The following SKAP1 variants were observed in gnomAD, a reference collection of about 807,000 sequenced individuals.
SKAP1 encodes the protein src kinase-associated phosphoprotein 1.
In SKAP1, 44 loss-of-function variants were observed where a neutral mutation model predicts 58.5. The observed-to-expected ratio is 0.75, with a 90% CI of 0.59 to 0.97. The LOEUF is 0.97. Ranked by LOEUF, SKAP1 falls within the 50% of genes least tolerant of loss-of-function variation. The pLI is 0.00. For synonymous variants in SKAP1, 127 were observed against 149.7 expected, an observed-to-expected ratio of 0.85 and a Z score of 1.11; for missense variants, 390 against 435.2, an observed-to-expected ratio of 0.90 and a Z score of 0.92.
At chr17:48,366,111 C>T (rs567213101) in intron 2 of SKAP1, among the ~76,000 whole-genome samples, 2 of 152,292 alleles carry the variant, frequency 1.3e-5, no homozygotes, top group Admixed American at 6.5e-5. Context: ...TCTTCTAGTA[C>T]ATACATTACT....
chr17:48,287,554 GA>G (rs1161588824), intron 4 of SKAP1, among the ~76,000 whole-genome samples: 1 of 150,584 alleles, frequency 6.6e-6, no homozygotes, highest in Non-Finnish European at 1.5e-5. Context: ...TGGTAAGAAA[GA>G]AAAAAAAGGA....
At chr17:48,305,906 G>A (rs2066134970) in intron 4 of SKAP1, among the ~76,000 whole-genome samples, 1 of 151,872 alleles carries the variant, frequency 6.6e-6, no homozygotes, top group East Asian at 1.9e-4. Flanking sequence ...TGGCTTTTTT[G>A]TTGCTGTTTT....
At chr17:48,151,008 G>C (rs1050592243) in intron 11 of SKAP1, among the ~76,000 whole-genome samples, 2 of 149,448 alleles carry the variant, frequency 1.3e-5, no homozygotes, top group Non-Finnish European at 3.0e-5. Flanking sequence ...GCAAGATTTA[G>C]AGAGATCTTT....
intron 2 of SKAP1, chr17:48,380,248 A>G (rs558073362): frequency 6.6e-6 from 1 of 152,328 alleles, no homozygotes; most frequent in African/African-American, 2.4e-5. Flanking sequence ...AGCATCAGAA[A>G]CATCTTGAGA....
Position 48,430,061 on chromosome 17 carries a change from C to T in SKAP1, c.46+14G>A. On this transcript the variant is annotated intron_variant, in intron 1 of 12. Coordinates refer to ENST00000336915, the MANE Select transcript of SKAP1 (RefSeq NM_003726.4). The stretch of plus-strand genomic sequence containing the variant: ...TCGGCTCAGCACTGGAGGGGGCCTG[C>T]GCCAGGGCGTTACCTTCCAGGAGCC... 1 of 1,262,540 alleles carries T rather than the reference C, an allele frequency of 7.9e-7. No individual in the cohort carries two copies. Among genetic ancestry groups the T allele is most frequent in the Non-Finnish European group, 1.0e-6 (1 of 996,084 alleles). 78.2% of individuals were successfully genotyped at this position (1,262,540 alleles called of 1,614,324 possible).
chr17:48,208,032 C>A (rs1449298261), intron 4 of SKAP1, among the ~76,000 whole-genome samples: 2 of 152,158 alleles, frequency 1.3e-5, no homozygotes, highest in East Asian at 3.8e-4. Flanking sequence ...TGTTGTCTTG[C>A]ATTTATGTTA....
At chr17:48,297,137 T>A (rs1466152650) in intron 4 of SKAP1, among the ~76,000 whole-genome samples, 1 of 152,198 alleles carries the variant, frequency 6.6e-6, no homozygotes, top group Non-Finnish European at 1.5e-5. Flanking sequence ...TAAACTTACT[T>A]GATTCCATGA....
intron 4 of SKAP1, among the ~76,000 whole-genome samples, chr17:48,224,035 A>AGG (rs1406032187): frequency 1.5e-5 from 1 of 65,434 alleles, no homozygotes; most frequent in African/African-American, 5.9e-5. Flanking sequence ...AGAGAGAGAG[A>AGG]AGAAGGAGGA....
intron 2 of SKAP1, among the ~76,000 whole-genome samples, chr17:48,377,683 T>C (rs937742128): frequency 1.8e-4 from 27 of 152,090 alleles, no homozygotes; most frequent in African/African-American, 6.5e-4. Context: ...ACAGAGAAGA[T>C]GAACAGTTGA....
chr17:48,438,324 A>T, the SKAP1 span, among the ~76,000 whole-genome samples: 2 of 152,234 alleles, frequency 1.3e-5, no homozygotes, highest in East Asian at 3.8e-4. Flanking sequence ...TTTAGTGATT[A>T]CTGTCCCTGC....
chr17:48,162,989 T>C (rs776459009), intron 10 of SKAP1, among the ~76,000 whole-genome samples: 2 of 152,202 alleles, frequency 1.3e-5, no homozygotes, highest in African/African-American at 4.8e-5. Flanking sequence ...TCTGCCTATT[T>C]ACAAGAAAGG....
intron 4 of SKAP1, among the ~76,000 whole-genome samples, chr17:48,257,917 CT>C (rs1278284710): frequency 1.3e-5 from 2 of 151,974 alleles, no homozygotes; most frequent in South Asian, 4.2e-4. Flanking sequence ...GGTTGATTTG[CT>C]CACAAAGGAA....
intron 4 of SKAP1, among the ~76,000 whole-genome samples, chr17:48,344,546 A>T (rs998298837): frequency 2.0e-5 from 3 of 152,224 alleles, no homozygotes; most frequent in Non-Finnish European, 4.4e-5. Flanking sequence ...TCTGTCAAGC[A>T]TTAGAATAAT....
At chr17:48,360,551 A>T (rs555874462) in intron 3 of SKAP1, among the ~76,000 whole-genome samples, 3 of 152,040 alleles carry the variant, frequency 2.0e-5, no homozygotes, top group Admixed American at 6.6e-5. Context: ...TTAAGTAGAA[A>T]TTTTTTTTGA....
intron 4 of SKAP1, among the ~76,000 whole-genome samples, chr17:48,240,990 C>G (rs952422118): frequency 3.9e-5 from 6 of 152,186 alleles, no homozygotes; most frequent in African/African-American, 1.4e-4. Flanking sequence ...TCTTCAAAGA[C>G]AACAGCTCTA....
chr17:48,144,345 C>T (rs1255860619), intron 11 of SKAP1, among the ~76,000 whole-genome samples: 1 of 152,168 alleles, frequency 6.6e-6, no homozygotes, highest in African/African-American at 2.4e-5. Flanking sequence ...GTTGCTCCAG[C>T]CCAGTCTGAA....
chr17:48,373,878 A>G (rs1400830760), intron 2 of SKAP1, among the ~76,000 whole-genome samples: 1 of 152,196 alleles, frequency 6.6e-6, no homozygotes, highest in Non-Finnish European at 1.5e-5. Flanking sequence ...TAGAACATCT[A>G]GATGAATTTT....
intron 1 of SKAP1, among the ~76,000 whole-genome samples, chr17:48,421,753 G>A (rs1464140486): frequency 1.3e-5 from 2 of 152,176 alleles, no homozygotes; most frequent in African/African-American, 2.4e-5. Context: ...CATCAGGGTA[G>A]AAAAATTATA....
At chr17:48,213,743 T>C (rs1013032415) in intron 4 of SKAP1, among the ~76,000 whole-genome samples, 3 of 152,228 alleles carry the variant, frequency 2.0e-5, no homozygotes, top group African/African-American at 7.2e-5. Context: ...AGGAATGATA[T>C]TTGCCACTGT....
Sources: gnomAD v4.1 joint callset for allele counts (sites outside exome capture counted in the v4.1 genomes callset) on GRCh38, gnomAD v4.1.1 for gene constraint, MANE v1.5 for transcripts, NCBI Gene and HGNC (gene_info 2026-07-23, HGNC 2026-07-21) for gene names.